DNAH8: variants seen among roughly 807,000 people sequenced by gnomAD.
DNAH8 encodes axonemal beta dynein heavy chain 8.
In DNAH8, 382 loss-of-function variants were observed where a neutral mutation model predicts 562.1. The ratio of observed to expected loss-of-function variants is 0.68; its 90% CI spans 0.63 to 0.74. The LOEUF is 0.74. DNAH8 is among the 30% of genes least tolerant of loss of function. The pLI is 0.00. For synonymous variants in DNAH8, 1,881 were observed against 1,919.4 expected (o/e 0.98, Z 0.52); for missense variants, 5,203 against 5,620.4 (o/e 0.93, Z 2.37).
intron 53 of DNAH8, among the ~76,000 whole-genome samples, chr6:38,879,296 A>G (rs139990180): frequency 1.1e-3 from 130 of 119,558 alleles, no homozygotes; most frequent in African/African-American, 3.6e-3. Flanking sequence ...TTCCAAGAAA[A>G]AAACAAAAAC....
chr6:38,816,556 G>A (rs1305379887), intron 26 of DNAH8, among the ~76,000 whole-genome samples: 1 of 150,032 alleles, frequency 6.7e-6, no homozygotes, highest in Non-Finnish European at 1.5e-5. Context: ...AGGCGTGCAT[G>A]TATCCTTATA....
Position 38,926,229 on chromosome 6 carries a change from A to G in DNAH8, c.11118+19A>G. ...TTTACAGGTATGTAGCATTTGGTGCAGGGGAAAGTAATCTTGAAATCATGA... is the reference window on the plus strand; with the variant it reads ...TTTACAGGTATGTAGCATTTGGTGCGGGGGAAAGTAATCTTGAAATCATGA... On this transcript the variant is annotated intron_variant, in intron 74 of 92. Coordinates refer to ENST00000327475, the MANE Select transcript of DNAH8 (RefSeq NM_001206927.2). 1 of 1,606,998 alleles carries G rather than the reference A, an allele frequency of 6.2e-7. No homozygotes were observed. Among genetic ancestry groups the G allele is most frequent in the Non-Finnish European group, 8.5e-7 (1 of 1,176,576 alleles).
chr6:38,741,107 C>G (rs1355937433), intron 7 of DNAH8, among the ~76,000 whole-genome samples: 1 of 152,056 alleles, frequency 6.6e-6, no homozygotes, highest in Non-Finnish European at 1.5e-5. Context: ...GTGATATTTT[C>G]TAAAATGTCA....
intron 55 of DNAH8, 55 bp from the exon 56 acceptor site, chr6:38,883,821 T>G: frequency 1.4e-6 from 2 of 1,399,206 alleles, no homozygotes; most frequent in Non-Finnish European, 1.9e-6. Flanking sequence ...CTCATTATTT[T>G]TAGAAGTATG....
In DNAH8 at chr6:38,764,042, A is replaced by T. The variant is rs968858980; in HGVS notation, c.1617+2239A>T. 4 of 153,422 alleles carry T rather than the reference A, an allele frequency of 2.6e-5. No homozygotes were observed. In the Admixed American group the frequency reaches 2.6e-4, roughly 10 times the overall value. 9.5% of individuals were successfully genotyped at this position (153,422 alleles called of 1,614,324 possible). ...GGAAGACCTGAAATCACTTTTTCTG[A>T]CAATAAGTGGAGCAGCTTAAAAAGG... On this transcript the variant is annotated intron_variant, in intron 11 of 92. Coordinates refer to ENST00000327475, the MANE Select transcript of DNAH8 (RefSeq NM_001206927.2).
intron 12 of DNAH8, among the ~76,000 whole-genome samples, chr6:38,773,288 C>G (rs1366312161): frequency 6.9e-6 from 1 of 145,180 alleles, no homozygotes; most frequent in African/African-American, 2.5e-5. Flanking sequence ...AGCCAGAACC[C>G]TTGCCCACCT....
In DNAH8 at chr6:38,737,966, C is replaced by A. The variant is rs200423630; in HGVS notation, c.1110C>A (p.Ile370=). 1 of 1,610,162 alleles carries A rather than the reference C, an allele frequency of 6.2e-7. No individual in the cohort carries two copies. Among genetic ancestry groups the A allele is most frequent in the Non-Finnish European group, 8.5e-7 (1 of 1,178,224 alleles). ...TGCTGATGGTATGGTACAAACAGAT[C>A]GAACAGGTGAATTGACTCAAACAAT... ...EEVLMVWYKQ[I]EQVLIESEQM... Residue 370 remains isoleucine (I), a synonymous_variant, in exon 7 of 93, where the codon ATC becomes ATA. Coordinates refer to ENST00000327475, the MANE Select transcript of DNAH8 (RefSeq NM_001206927.2).
Position 38,729,958 on chromosome 6 carries a change from G to C in DNAH8, c.582G>C (p.Leu194Phe). The change falls in exon 4 of 93, where the codon TTG becomes TTC. Residue 194 changes from leucine (L) to phenylalanine (F), a missense_variant. By Grantham distance (22) the Leu-to-Phe change is conservative. This residue lies in a region of DNAH8 where 556 missense variants were observed against 496.9 expected (regional missense o/e 1.12). Transcript: ENST00000327475. ...ATGGTTGTAAGACACTGAAATTTTT[G>C]TACCAAGAAGGAGATGTACCTGGTA... ...AKDGCKTLKF[L>F]YQEGDVPGIE... The C allele has an allele frequency of 6.3e-7, 1 of 1,595,200 alleles. No individual in the cohort carries two copies. The highest frequency in any genetic ancestry group is 2.2e-5 in the East Asian group (1 of 44,622).
At chr6:38,738,350 G>A (rs750364435) in intron 7 of DNAH8, among the ~76,000 whole-genome samples, 2 of 152,184 alleles carry the variant, frequency 1.3e-5, no homozygotes, top group African/African-American at 2.4e-5. Flanking sequence ...CCTCTTGTTC[G>A]ATCAGTGGAG....
rs1766289149 is a variant in DNAH8 at position 39,012,557 on chromosome 6, A to G, written c.13634A>G (p.Glu4545Gly). Residue 4545 changes from glutamate to glycine, a missense_variant, in exon 91 of 93, where the codon GAA becomes GGA. Around this residue, in one of 6 missense-constraint regions of DNAH8, gnomAD observed 1,399 missense variants for 1,518.4 expected, o/e 0.92. Coordinates refer to ENST00000327475, the MANE Select transcript of DNAH8 (RefSeq NM_001206927.2). ...TLGFWFTELL[E>G]RNAQFSTWIF... is the part of the protein sequence containing the mutation. The stretch of plus-strand genomic sequence containing the variant: ...GGCTTCTGGTTCACTGAACTTTTGG[A>G]AAGAAATGCTCAGTTTTCTACGTGG... The G allele has an allele frequency of 6.2e-7, 1 of 1,613,924 alleles. No individual in the cohort carries two copies. The highest frequency in any genetic ancestry group is 1.7e-5 in the Admixed American group (1 of 60,012).
chr6:39,012,533 G>A lies in DNAH8; in HGVS notation c.13610G>A (p.Gly4537Asp), dbSNP rs764196380. Reference sequence around the variant, plus strand: ...GTGTCTTGGGATTCGTCCACACTGGGCTTCTGGTTCACTGAACTTTTGGAA... The same window carrying A: ...GTGTCTTGGGATTCGTCCACACTGGACTTCTGGTTCACTGAACTTTTGGAA... The part of the protein sequence containing the change: ...KRVSWDSSTL[G>D]FWFTELLERN... The change falls in exon 91 of 93, where the codon GGC (glycine) becomes GAC (aspartate). Residue 4537 changes from glycine (G) to aspartate (D), a missense_variant. By Grantham distance (94) the Gly-to-Asp change is moderately conservative (BLOSUM62 -1). This residue lies in a region of DNAH8 where 1,399 missense variants were observed against 1,518.4 expected (regional missense o/e 0.92). Transcript: ENST00000327475. 6 of 1,613,860 alleles carry A rather than the reference G, an allele frequency of 3.7e-6. No homozygotes were observed. In the East Asian group the frequency reaches 1.1e-4, roughly 30 times the overall value.
At chr6:39,019,075 A>T (rs527765884) in intron 91 of DNAH8, among the ~76,000 whole-genome samples, 4 of 152,230 alleles carry the variant, frequency 2.6e-5, no homozygotes, top group African/African-American at 9.6e-5. Flanking sequence ...GTGATAGGAG[A>T]GGCTTAAACC....
At chr6:38,954,065 A>T (rs1308119954) in intron 82 of DNAH8, among the ~76,000 whole-genome samples, 1 of 152,192 alleles carries the variant, frequency 6.6e-6, no homozygotes, top group African/African-American at 2.4e-5. Flanking sequence ...TTTGTAGAAA[A>T]AGAGGAGAAG....
intron 24 of DNAH8, among the ~76,000 whole-genome samples, chr6:38,813,221 A>G (rs1273501415): frequency 6.6e-6 from 1 of 152,096 alleles, no homozygotes; most frequent in Non-Finnish European, 1.5e-5. Flanking sequence ...TGCCCACACT[A>G]ATTTTATTGC....
At chr6:38,909,204 C>A (rs1251444407) in intron 64 of DNAH8, among the ~76,000 whole-genome samples, 2 of 152,176 alleles carry the variant, frequency 1.3e-5, no homozygotes, top group Non-Finnish European at 2.9e-5. Context: ...TGCAGCTGTT[C>A]TCACTTGTCC....
intron 66 of DNAH8, 122 bp from the exon 67 acceptor site, chr6:38,913,727 C>A: frequency 1.8e-6 from 1 of 570,852 alleles, no homozygotes; most frequent in Non-Finnish European, 2.9e-6. Flanking sequence ...AAGCTTTTGT[C>A]TACAATTTTG....
At chr6:38,905,811 C>T (rs1780415563) in intron 62 of DNAH8, among the ~76,000 whole-genome samples, 1 of 152,158 alleles carries the variant, frequency 6.6e-6, no homozygotes. Context: ...TACTTAGTAT[C>T]TATTGGAGCA....
At chr6:38,770,281 G>T in intron 11 of DNAH8, 132 bp from the exon 12 acceptor site, 1 of 441,324 alleles carries the variant, frequency 2.3e-6, no homozygotes, top group Non-Finnish European at 3.6e-6. Context: ...ATGAAAATAT[G>T]GTATAAATAA....
intron 79 of DNAH8, among the ~76,000 whole-genome samples, chr6:38,939,644 T>G (rs1783272457): frequency 6.6e-6 from 1 of 152,182 alleles, no homozygotes; most frequent in Non-Finnish European, 1.5e-5. Flanking sequence ...GTGTTGAGTC[T>G]AAAAGGAGGG....
Sources: gnomAD v4.1 joint callset for allele counts (sites outside exome capture counted in the v4.1 genomes callset) on GRCh38, gnomAD v4.1.1 for gene constraint, gnomAD v4.1.1 regional missense constraint, MANE v1.5 for transcripts, NCBI Gene and HGNC (gene_info 2026-07-23, HGNC 2026-07-21) for gene names.